ARMCX4: variants seen among roughly 807,000 people sequenced by gnomAD.
The protein encoded by ARMCX4 is armadillo repeat containing X-linked 4.
In ARMCX4, 3 loss-of-function variants were observed where a neutral mutation model predicts 34.7. That is an observed-to-expected ratio of 0.09 (90% CI 0.04 to 0.22). ARMCX4 has a LOEUF of 0.22. Ranked by LOEUF, ARMCX4 falls within the 10% of genes least tolerant of loss-of-function variation. ARMCX4 has a pLI of 1.00. For missense variants in ARMCX4, 1,448 were observed against 1,720.8 expected (o/e 0.84, Z 2.81); for synonymous variants, 513 against 632.8 (o/e 0.81, Z 2.84).
At chrX:101,431,710 A>C (rs1312851752) in intron 2 of ARMCX4, among the ~76,000 whole-genome samples, 1 of 110,256 alleles carries the variant, frequency 9.1e-6, no homozygotes, top group African/African-American at 3.3e-5. Flanking sequence ...TGCCCGGCTA[A>C]TTTTTTGTAT....
intron 2 of ARMCX4, among the ~76,000 whole-genome samples, chrX:101,443,069 T>C (rs1236913199): frequency 1.0e-5 from 1 of 99,047 alleles, no homozygotes; most frequent in Non-Finnish European, 2.0e-5. Flanking sequence ...AGGCAGAGCT[T>C]GCAGTGAGCC....
intron 2 of ARMCX4, among the ~76,000 whole-genome samples, chrX:101,433,186 ACACATACACATATATG>A (rs1235439691): frequency 1.9e-4 from 6 of 31,753 alleles, no homozygotes; most frequent in African/African-American, 4.2e-4. Flanking sequence ...ATATACACGC[ACACATACACATATATG>A]TGCATATACG....
At chrX:101,448,835 C>T (rs1555998536), downstream of ARMCX4, among the ~76,000 whole-genome samples, 1 of 110,224 alleles carries the variant, frequency 9.1e-6, no homozygotes, top group African/African-American at 3.3e-5. Flanking sequence ...TCGTGATCTG[C>T]CCACCTTGGC....
intron 11 of ARMCX4, among the ~76,000 whole-genome samples, chrX:101,517,920 A>G (rs1934776175): frequency 8.9e-6 from 1 of 111,884 alleles, no homozygotes; most frequent in African/African-American, 3.2e-5. Context: ...TAAATGCCCC[A>G]CCAAATGCTG....
chrX:101,485,271 G>A (rs1933641147), upstream of ARMCX4: 1 of 110,577 alleles, frequency 9.0e-6, no homozygotes, highest in Non-Finnish European at 1.9e-5. Flanking sequence ...CTGGGGCACC[G>A]AGCACAGACC....
At chrX:101,535,053 C>T (rs1262347927), downstream of ARMCX4, among the ~76,000 whole-genome samples, 5 of 111,004 alleles carry the variant, frequency 4.5e-5, no homozygotes, top group African/African-American at 1.6e-4. Context: ...TGGTTAAAAC[C>T]TCATCATAGA....
intron 1 of ARMCX4, 150 bp downstream of exon 1, chrX:101,485,680 G>C: frequency 8.9e-6 from 1 of 112,393 alleles, no homozygotes; most frequent in Middle Eastern, 4.6e-3. Context: ...CCTTGCCCCC[G>C]CCTACATCTG....
chrX:101,438,841 C>T (rs1290310892), intron 2 of ARMCX4, among the ~76,000 whole-genome samples: 1 of 110,980 alleles, frequency 9.0e-6, no homozygotes, highest in Non-Finnish European at 1.9e-5. Flanking sequence ...TCCTCCATCC[C>T]TTTATTTTGA....
At chrX:101,496,119 AAGTGTAGGGAGGGT>A (rs1177927642), downstream of ARMCX4, among the ~76,000 whole-genome samples, 1 of 109,938 alleles carries the variant, frequency 9.1e-6, no homozygotes, top group Non-Finnish European at 1.9e-5. Flanking sequence ...TTGAAGTGCA[AAGTGTAGGGAGGGT>A]AGTGACGAGA....
chrX:101,491,822 G>T lies in ARMCX4; in HGVS notation c.3233G>T (p.Gly1078Val). 1 of 1,156,515 alleles carries T rather than the reference G, an allele frequency of 8.6e-7. No individual in the cohort carries two copies. The change falls in exon 6 of 6, where the codon GGT becomes GTT. Residue 1078 changes from glycine (G) to valine (V), a missense_variant. By Grantham distance (109) the Gly-to-Val change is moderately radical. Around this residue, in one of 2 missense-constraint regions of ARMCX4, gnomAD observed 1,343 missense variants for 1,540.7 expected, o/e 0.87. Transcript: ENST00000423738. ...AEAMPTSESE[G>V]GSGTQACRKT... is the part of the protein sequence containing the mutation. ...GCCATGCCCACTTCTGAGAGTGAGG[G>T]TGGGTCAGGCACTCAAGCCTGCAGA...
chrX:101,497,886 A>G (rs1260964362), downstream of ARMCX4, among the ~76,000 whole-genome samples: 1 of 111,923 alleles, frequency 8.9e-6, no homozygotes, highest in African/African-American at 3.3e-5. Flanking sequence ...GGATTCTACC[A>G]TCTGCTGCCC....
intron 8 of ARMCX4, among the ~76,000 whole-genome samples, chrX:101,507,905 C>T (rs1934491508): frequency 8.9e-6 from 1 of 112,160 alleles, no homozygotes; most frequent in South Asian, 3.7e-4. Flanking sequence ...CAATGGTGGT[C>T]CCATAAGATT....
At chrX:101,438,630 C>T (rs1231229959) in intron 2 of ARMCX4, among the ~76,000 whole-genome samples, 1 of 111,300 alleles carries the variant, frequency 9.0e-6, no homozygotes, top group Non-Finnish European at 1.9e-5. Context: ...TCTCTGAGGA[C>T]TTGCTTTATG....
At chrX:101,515,908 C>T (rs1229774307) in intron 11 of ARMCX4, among the ~76,000 whole-genome samples, 1 of 111,030 alleles carries the variant, frequency 9.0e-6, no homozygotes, top group African/African-American at 3.3e-5. Context: ...CCACTGGAAA[C>T]AGAGTTATTA....
intron 4 of ARMCX4, among the ~76,000 whole-genome samples, chrX:101,470,772 A>G (rs1603183771): frequency 8.9e-6 from 1 of 112,295 alleles, no homozygotes; most frequent in African/African-American, 3.2e-5. Context: ...AATAAAGCTG[A>G]TATAAACATT....
rs1467199354 is a variant in ARMCX4, at chrX:101,494,232, T to C, written c.5643T>C (p.Asn1881=). 2 of 1,151,160 alleles carry C rather than the reference T, an allele frequency of 1.7e-6. No homozygotes were observed. Among genetic ancestry groups the C allele is most frequent in the Non-Finnish European group, 2.3e-6 (2 of 870,797 alleles). The allele number at this position is 1,151,160 out of a possible 1,213,427, so 94.9% of individuals were successfully genotyped here. ...TAGAGTCCTGGACCTTGGCTAGGAA[T>C]GTGGGAGAGGATGAGCTAAGTAGAG... ...AGVESWTLAR[N]VGEDELSRES... The change falls in exon 6 of 6, where the codon AAT becomes AAC. Residue 1881 remains asparagine, a synonymous_variant. Transcript: ENST00000423738.
intron 7 of ARMCX4, among the ~76,000 whole-genome samples, chrX:101,502,645 ACTAGTACCTTTC>A (rs1556013951): frequency 9.0e-6 from 1 of 111,381 alleles, no homozygotes; most frequent in African/African-American, 3.3e-5. Flanking sequence ...CCACTGTTGC[ACTAGTACCTTTC>A]CTTATCTATA....
At chrX:101,422,872 C>T (rs893119321) in intron 2 of ARMCX4, among the ~76,000 whole-genome samples, 2 of 111,154 alleles carry the variant, frequency 1.8e-5, no homozygotes, top group Admixed American at 1.9e-4. Flanking sequence ...AAGGTGATTT[C>T]ATTACAATGG....
At chrX:101,510,962 G>C (rs1212189013) in intron 10 of ARMCX4, 1 of 110,756 alleles carries the variant, frequency 9.0e-6, no homozygotes, top group Non-Finnish European at 1.9e-5. Flanking sequence ...AAAATGTTTA[G>C]GTTCTTCTTT....
Sources: allele counts gnomAD v4.1 joint callset (sites outside exome capture counted in the v4.1 genomes callset), GRCh38; gene constraint gnomAD v4.1.1; regional missense constraint gnomAD v4.1.1; transcripts MANE v1.5; gene names NCBI Gene and HGNC (gene_info 2026-07-23, HGNC 2026-07-21).